Variants in BCKDHB observed in about 807,000 individuals in gnomAD.
BCKDHB encodes the protein branched chain keto acid dehydrogenase E1 subunit beta, also known as 2-oxoisovalerate dehydrogenase subunit beta, mitochondrial.
Under a neutral mutation model 48.5 loss-of-function variants are expected in BCKDHB, and 41 were observed. That is an observed-to-expected ratio of 0.85 (90% CI 0.66 to 1.10). The LOEUF (loss-of-function observed/expected upper bound fraction) is 1.10. BCKDHB is among the 50% of genes least tolerant of loss of function. The pLI is 0.00. For missense variants in BCKDHB, 496 were observed against 494.2 expected (o/e 1.00, Z -0.03); for synonymous variants, 201 against 174.8 (o/e 1.15, Z -1.18).
At chr6:80,116,251 C>CA (rs1769698556) in intron 1 of BCKDHB, among the ~76,000 whole-genome samples, 1 of 152,208 alleles carries the variant, frequency 6.6e-6, no homozygotes, top group Admixed American at 6.5e-5. Flanking sequence ...GATGCAATAA[C>CA]ACCTCTCATT....
intron 8 of BCKDHB, among the ~76,000 whole-genome samples, chr6:80,266,722 A>G (rs1424094777): frequency 6.6e-6 from 1 of 152,058 alleles, no homozygotes; most frequent in Non-Finnish European, 1.5e-5. Context: ...AGCTTAGGTT[A>G]TAGGACTTCT....
chr6:80,432,828 C>T, the BCKDHB span, among the ~76,000 whole-genome samples: 1 of 152,164 alleles, frequency 6.6e-6, no homozygotes, highest in East Asian at 1.9e-4. Flanking sequence ...ATCTACCTTT[C>T]ATCTTCAATG....
At chr6:80,124,942 C>T (rs548825191) in intron 1 of BCKDHB, among the ~76,000 whole-genome samples, 14 of 152,274 alleles carry the variant, frequency 9.2e-5, no homozygotes, top group Admixed American at 7.2e-4. Flanking sequence ...GCTTCAACTT[C>T]AAATCACCAG....
In BCKDHB at chr6:80,346,179, ATATT is replaced by A. The variant is rs1770193309; in HGVS notation, c.*2376_*2379del. ...AAGAGTTTCAGATTAACTTTGAAAA[ATATT>A]CCACATGGTAATCTTATAAATTCTG... On this transcript the variant is annotated 3_prime_UTR_variant, in exon 10 of 10. Transcript: ENST00000320393. 6.6e-6 allele frequency: 1 copy of A among 152,210 alleles called. No individual in the cohort carries two copies. Among genetic ancestry groups the A allele is most frequent in the African/African-American group, 2.4e-5 (1 of 41,444 alleles). 9.4% of individuals were successfully genotyped at this position (152,210 alleles called of 1,614,324 possible).
intron 8 of BCKDHB, among the ~76,000 whole-genome samples, chr6:80,250,210 A>G (rs1033612972): frequency 6.6e-6 from 1 of 152,122 alleles, no homozygotes; most frequent in Non-Finnish European, 1.5e-5. Context: ...TGAGGAGATA[A>G]CTGAAGCCTA....
chr6:80,433,671 G>A, the BCKDHB span, among the ~76,000 whole-genome samples: 1 of 152,024 alleles, frequency 6.6e-6, no homozygotes, highest in South Asian at 2.1e-4. Flanking sequence ...GAGAGTGAAG[G>A]GTTCTGTCTC....
At chr6:80,145,852 G>T (rs1771459965) in intron 3 of BCKDHB, among the ~76,000 whole-genome samples, 1 of 152,134 alleles carries the variant, frequency 6.6e-6, no homozygotes, top group South Asian at 2.1e-4. Context: ...CTAGGCTAAG[G>T]CACTTCTTTA....
the BCKDHB span, among the ~76,000 whole-genome samples, chr6:80,427,656 A>C: frequency 6.6e-6 from 1 of 152,186 alleles, no homozygotes; most frequent in South Asian, 2.1e-4. Context: ...AATTCTTTTC[A>C]GCTTTTAATT....
chr6:80,180,475 T>C (rs1024938784), intron 6 of BCKDHB, among the ~76,000 whole-genome samples: 1 of 152,178 alleles, frequency 6.6e-6, no homozygotes, highest in Non-Finnish European at 1.5e-5. Context: ...TTTAATGTCT[T>C]TTGGTTTTAC....
the BCKDHB span, chr6:80,466,045 A>G: frequency 6.6e-6 from 1 of 152,220 alleles, no homozygotes; most frequent in Non-Finnish European, 1.5e-5. Context: ...GTAATTATCT[A>G]CTTTTGATAG....
Position 80,171,219 on chromosome 6 carries a change from T to G in BCKDHB, c.634-63T>G. Reference sequence around the variant, plus strand: ...TGATTATTTAAATATCAGCCCTTCTTAGCAGCGAGTTTACTGGGATATATT... The same window carrying G: ...TGATTATTTAAATATCAGCCCTTCTGAGCAGCGAGTTTACTGGGATATATT... On this transcript the variant is annotated intron_variant, in intron 5 of 9. Transcript: ENST00000320393. The G allele has an allele frequency of 3.3e-6, 3 of 914,458 alleles. No individual in the cohort carries two copies. The East Asian group carries it at 7.4e-5, about 23-fold the overall frequency. 56.6% of individuals were successfully genotyped at this position (914,458 alleles called of 1,614,324 possible). A position where few individuals can be genotyped will look rare whatever the true frequency, so the allele number is the denominator to read the frequency against.
At chr6:80,230,394 C>T (rs973891324) in intron 8 of BCKDHB, among the ~76,000 whole-genome samples, 1 of 151,950 alleles carries the variant, frequency 6.6e-6, no homozygotes, top group Non-Finnish European at 1.5e-5. Flanking sequence ...ATACATGCCC[C>T]AAATAGCCAA....
chr6:80,266,097 A>G (rs1248272659), intron 8 of BCKDHB, among the ~76,000 whole-genome samples: 1 of 152,106 alleles, frequency 6.6e-6, no homozygotes, highest in Non-Finnish European at 1.5e-5. Context: ...GTGTCTCAAA[A>G]GTACAACTTG....
chr6:80,401,737 C>A, the BCKDHB span, among the ~76,000 whole-genome samples: 1 of 151,648 alleles, frequency 6.6e-6, no homozygotes, highest in African/African-American at 2.4e-5. Context: ...TCCCAATTGC[C>A]CCCTTCCCCA....
chr6:80,453,579 A>T, the BCKDHB span, among the ~76,000 whole-genome samples: 2 of 152,216 alleles, frequency 1.3e-5, no homozygotes, highest in Non-Finnish European at 2.9e-5. Context: ...ACTCTGAGCA[A>T]GGAGATATTA....
the BCKDHB span, among the ~76,000 whole-genome samples, chr6:80,393,895 G>C: frequency 6.6e-6 from 1 of 152,176 alleles, no homozygotes; most frequent in African/African-American, 2.4e-5. Context: ...AAAGGTGTAA[G>C]TGAAGTAAAA....
chr6:80,196,510 C>G (rs1402037110), intron 6 of BCKDHB, among the ~76,000 whole-genome samples: 1 of 152,146 alleles, frequency 6.6e-6, no homozygotes, highest in Admixed American at 6.6e-5. Flanking sequence ...ATCTTTGTAA[C>G]TCACAGTTGA....
chr6:80,161,073 G>A (rs1173592635), intron 3 of BCKDHB, among the ~76,000 whole-genome samples: 2 of 152,042 alleles, frequency 1.3e-5, no homozygotes, highest in South Asian at 2.1e-4. Flanking sequence ...TTCACATGAG[G>A]TCAAAGCCAC....
chr6:80,427,422 TACGTGTTATA>T, the BCKDHB span, among the ~76,000 whole-genome samples: 1 of 152,152 alleles, frequency 6.6e-6, no homozygotes, highest in African/African-American at 2.4e-5. Context: ...ATTTTACTTG[TACGTGTTATA>T]AACCCCAAGA....
Sources: allele counts gnomAD v4.1 joint callset (sites outside exome capture counted in the v4.1 genomes callset), GRCh38; gene constraint gnomAD v4.1.1; transcripts MANE v1.5; gene names NCBI Gene and HGNC (gene_info 2026-07-23, HGNC 2026-07-21).